The following TENM3 variants were observed in gnomAD, a reference collection of about 807,000 sequenced individuals.
TENM3 encodes the protein teneurin-3.
A neutral mutation model predicts 255.1 loss-of-function variants in TENM3; 63 were observed. The observed-to-expected ratio is 0.25, with a 90% CI of 0.20 to 0.30. TENM3 has a LOEUF of 0.30. Ranked by LOEUF, TENM3 falls within the 10% of genes least tolerant of loss-of-function variation. TENM3 has a pLI of 1.00. For missense variants in TENM3, 2,929 were observed against 3,461.1 expected, an observed-to-expected ratio of 0.85 and a Z score of 3.86; for synonymous variants, 1,306 against 1,322.3, an observed-to-expected ratio of 0.99 and a Z score of 0.27.
the TENM3 span, among the ~76,000 whole-genome samples, chr4:181,922,317 T>A: frequency 1.3e-5 from 2 of 152,190 alleles, no homozygotes; most frequent in African/African-American, 4.8e-5. Flanking sequence ...TGGTACCAAT[T>A]CCTCCTTGTA....
the TENM3 span, among the ~76,000 whole-genome samples, chr4:182,071,810 C>G: frequency 6.6e-6 from 1 of 152,086 alleles, no homozygotes; most frequent in African/African-American, 2.4e-5. Context: ...TGTCGAACAC[C>G]AGGGATGGTT....
In TENM3 at chr4:182,792,243, CACTG is replaced by C. The variant is rs56856080; in HGVS notation, c.5602-29_5602-26del. 8,644 of 1,582,670 alleles carry C rather than the reference CACTG, an allele frequency of 5.5e-3. 366 individuals are homozygous for C. The African/African-American group carries it at 0.096, about 18-fold the overall frequency. On this transcript the variant is annotated intron_variant, in intron 25 of 27. Transcript: ENST00000511685. The surrounding 1 kb of genome is among the most constrained non-coding windows in gnomAD (Gnocchi z 6.3). ...TGCTTTTGCATCTCCCGTTCACAAA[CACTG>C]AGTAACAGTATGTTCTCTCTTTACA...
the TENM3 span, among the ~76,000 whole-genome samples, chr4:182,066,599 A>AAAAAAAAT: frequency 7.3e-5 from 10 of 137,114 alleles, no homozygotes; most frequent in South Asian, 2.2e-4. Context: ...GTAAAAAAAA[A>AAAAAAAAT]ATATATATAT....
At chr4:182,170,302 C>T (rs1341964119) in intron 1 of TENM3, among the ~76,000 whole-genome samples, 1 of 152,034 alleles carries the variant, frequency 6.6e-6, no homozygotes. Context: ...GCATTTCATA[C>T]TTTCTTCTAT....
intron 3 of TENM3, among the ~76,000 whole-genome samples, chr4:182,479,402 A>C (rs535792263): frequency 6.6e-6 from 1 of 151,980 alleles, no homozygotes; most frequent in South Asian, 2.1e-4. Flanking sequence ...TGACGATTAT[A>C]AATATATTTA....
chr4:181,639,631 T>G, the TENM3 span, among the ~76,000 whole-genome samples: 1 of 152,252 alleles, frequency 6.6e-6, no homozygotes, highest in Non-Finnish European at 1.5e-5. Flanking sequence ...TCCCAGCTAC[T>G]TGGGAGGCTG....
the TENM3 span, among the ~76,000 whole-genome samples, chr4:181,512,734 C>A: frequency 6.6e-6 from 1 of 152,080 alleles, no homozygotes; most frequent in African/African-American, 2.4e-5. Flanking sequence ...AGGAAACAAC[C>A]AAACATAAAT....
chr4:182,088,331 G>A, the TENM3 span, among the ~76,000 whole-genome samples: 1 of 152,182 alleles, frequency 6.6e-6, no homozygotes, highest in Non-Finnish European at 1.5e-5. Context: ...ATCTGATCTT[G>A]TGGTCTTCAA....
chr4:182,242,870 T>C (rs971609975), upstream of TENM3, among the ~76,000 whole-genome samples: 2 of 152,322 alleles, frequency 1.3e-5, no homozygotes, highest in Non-Finnish European at 2.9e-5. Flanking sequence ...TGTATGTGGG[T>C]AGTGCTTATC....
chr4:182,218,653 CA>C (rs1455454894), intron 1 of TENM3, among the ~76,000 whole-genome samples: 13 of 152,252 alleles, frequency 8.5e-5, no homozygotes, highest in African/African-American at 2.4e-4. Context: ...TTTGGTGGGT[CA>C]AAATGATCCA....
At chr4:182,470,486 G>T (rs1046645286) in intron 3 of TENM3, among the ~76,000 whole-genome samples, 8 of 152,128 alleles carry the variant, frequency 5.3e-5, no homozygotes, top group African/African-American at 1.4e-4. Flanking sequence ...CTGACCACTT[G>T]CACTAGACCA....
chr4:182,262,220 T>C (rs771845778), intron 1 of TENM3, among the ~76,000 whole-genome samples: 15 of 152,226 alleles, frequency 9.9e-5, no homozygotes, highest in Non-Finnish European at 2.2e-4. Flanking sequence ...ATTTAAAAGA[T>C]GTAATTAGCA....
At chr4:182,386,115 G>A (rs947561134) in intron 3 of TENM3, among the ~76,000 whole-genome samples, 1 of 152,176 alleles carries the variant, frequency 6.6e-6, no homozygotes, top group African/African-American at 2.4e-5. Flanking sequence ...GTTTCTATTT[G>A]GAGAAAATCA....
At chr4:182,283,376 C>T (rs995888908) in intron 1 of TENM3, among the ~76,000 whole-genome samples, 1 of 152,130 alleles carries the variant, frequency 6.6e-6, no homozygotes, top group East Asian at 1.9e-4. Flanking sequence ...TGTTGTGTTT[C>T]TTCTAGAGAT....
intron 1 of TENM3, among the ~76,000 whole-genome samples, chr4:182,159,490 G>A (rs1750959620): frequency 1.3e-5 from 2 of 151,446 alleles, no homozygotes; most frequent in South Asian, 2.1e-4. Context: ...GTGTGTATCA[G>A]GATGGTGCCA....
the TENM3 span, among the ~76,000 whole-genome samples, chr4:181,549,966 A>G: frequency 6.6e-6 from 1 of 152,208 alleles, no homozygotes; most frequent in African/African-American, 2.4e-5. Context: ...TAAAGATATA[A>G]TGGGTATAAT....
the TENM3 span, among the ~76,000 whole-genome samples, chr4:181,761,750 G>A: frequency 1.5e-4 from 23 of 152,152 alleles, no homozygotes; most frequent in Admixed American, 2.0e-4. Context: ...AGTACTGGGC[G>A]TATATGCTAC....
chr4:182,439,417 G>T (rs534820950), intron 3 of TENM3, among the ~76,000 whole-genome samples: 1 of 152,280 alleles, frequency 6.6e-6, no homozygotes, highest in South Asian at 2.1e-4. Flanking sequence ...TTGCCTAAAA[G>T]AATTTGTATA....
intron 1 of TENM3, among the ~76,000 whole-genome samples, chr4:182,264,276 T>TTC (rs1413624691): frequency 6.6e-6 from 1 of 152,212 alleles, no homozygotes; most frequent in Non-Finnish European, 1.5e-5. Flanking sequence ...GCAAGCCCGC[T>TTC]TTTCAAGACG....
Sources: gnomAD v4.1 joint callset for allele counts (sites outside exome capture counted in the v4.1 genomes callset) on GRCh38, gnomAD v4.1.1 for gene constraint, Gnocchi (gnomAD v3.1) non-coding constraint, MANE v1.5 for transcripts, NCBI Gene and HGNC (gene_info 2026-07-23, HGNC 2026-07-21) for gene names.